CHD8: variants seen among roughly 807,000 people sequenced by gnomAD.
CHD8 encodes ATP-dependent chromatin remodeler CHD8.
Under a neutral mutation model 279.2 loss-of-function variants are expected in CHD8, and 31 were observed. That is an observed-to-expected ratio of 0.11 (90% CI 0.08 to 0.15). CHD8 has a LOEUF of 0.15. Ranked by LOEUF, CHD8 falls within the 10% of genes least tolerant of loss-of-function variation. CHD8 has a pLI of 1.00. For synonymous variants in CHD8, 1,081 were observed against 1,139.6 expected, an observed-to-expected ratio of 0.95 and a Z score of 1.04; for missense variants, 2,146 against 3,230.5, an observed-to-expected ratio of 0.66 and a Z score of 8.14.
In CHD8 at chr14:21,405,287, C is replaced by A. The variant is rs370413542; in HGVS notation, c.3229G>T (p.Gly1077Cys). 3.7e-6 allele frequency: 6 copies of A among 1,612,750 alleles called. No homozygotes were observed. The highest frequency in any genetic ancestry group is 5.1e-6 in the Non-Finnish European group (6 of 1,179,254). Residue 1077 changes from glycine (G) to cysteine (C), a missense_variant, in exon 16 of 38, where the codon GGT (glycine) becomes TGT (cysteine). By Grantham distance (159) the Gly-to-Cys change is radical. This residue lies in a region of CHD8 where 18 missense variants were observed against 17.1 expected (regional missense o/e 1.05). Coordinates refer to ENST00000646647, the MANE Select transcript of CHD8 (RefSeq NM_001170629.2). The surrounding 1 kb of genome is among the most constrained non-coding windows in gnomAD (Gnocchi z 4.2). ...KNFSFLSKGA[G>C]HTNMPNLLNT... Reference sequence around the variant, plus strand: ...AGTAGATTAGGCATGTTGGTATGACCTGCCCCTTTGGAAAGGAAGGAGAAA... The same window carrying A: ...AGTAGATTAGGCATGTTGGTATGACATGCCCCTTTGGAAAGGAAGGAGAAA...
Position 21,405,017 on chromosome 14 carries a change from A to C in CHD8, c.3307+192T>G, listed in dbSNP as rs951735275. 1.2e-5 allele frequency: 7 copies of C among 583,430 alleles called. No individual in the cohort carries two copies. The highest frequency in any genetic ancestry group is 1.1e-4 in the African/African-American group (6 of 53,490). 36.1% of individuals were successfully genotyped at this position (583,430 alleles called of 1,614,324 possible). Reference sequence around the variant, plus strand: ...TGGCTAATTTTTGTATTTTTTGTAGAGGTGGGATTTCATCATGTTGCCCAG... The same window carrying C: ...TGGCTAATTTTTGTATTTTTTGTAGCGGTGGGATTTCATCATGTTGCCCAG... On this transcript the variant is annotated intron_variant, in intron 16 of 37. Coordinates refer to ENST00000646647, the MANE Select transcript of CHD8 (RefSeq NM_001170629.2). This position sits in a 1 kb window ranked among gnomAD's most constrained non-coding sequence, Gnocchi z 4.2.
At position 21,402,523 on chromosome 14, in the gene CHD8, A is replaced by G. The variant is rs1372535971; in HGVS notation, c.3715-20T>C. 2 of 1,562,960 alleles carry G rather than the reference A, an allele frequency of 1.3e-6. No individual in the cohort carries two copies. Among genetic ancestry groups the G allele is most frequent in the East Asian group, 2.3e-5 (1 of 44,400 alleles). On this transcript the variant is annotated intron_variant, in intron 18 of 37. Coordinates refer to ENST00000646647, the MANE Select transcript of CHD8 (RefSeq NM_001170629.2). The surrounding 1 kb of genome is among the most constrained non-coding windows in gnomAD (Gnocchi z 4.5). The stretch of plus-strand genomic sequence containing the variant: ...CTGGGCCTGGTTTAAAATAAAAACG[A>G]AAGGAAAGGAGAAAGATATCATAAA...
intron 10 of CHD8, among the ~76,000 whole-genome samples, chr14:21,411,167 T>C (rs1888476185): frequency 6.6e-6 from 1 of 152,122 alleles, no homozygotes; most frequent in Non-Finnish European, 1.5e-5. Context: ...AGCATAAGAC[T>C]GTCAAGGCTG....
Position 21,395,872 on chromosome 14 carries a change from C to T in CHD8, c.5072G>A (p.Cys1691Tyr), listed in dbSNP as rs948922905. 1.2e-6 allele frequency: 2 copies of T among 1,611,232 alleles called. No individual in the cohort carries two copies. Among genetic ancestry groups the T allele is most frequent in the East Asian group, 4.5e-5 (2 of 44,820 alleles). Reference protein sequence around the residue: ...IVEGVDFDKDCEDPEYKPLQG... With the variant: ...IVEGVDFDKDYEDPEYKPLQG... ...GAGTGGTTTATATTCAGGATCTTCA[C>T]AATCTTTATCAAAGTCAACCCTAAA... is the stretch of plus-strand genomic sequence containing the variant. The change falls in exon 28 of 38, where the codon TGT becomes TAT. Residue 1691 changes from cysteine to tyrosine, a missense_variant. By Grantham distance (194) the Cys-to-Tyr change is radical. This residue lies in a region of CHD8 where 75 missense variants were observed against 81.3 expected (regional missense o/e 0.92). Coordinates refer to ENST00000646647, the MANE Select transcript of CHD8 (RefSeq NM_001170629.2).
chr14:21,387,807 A>G (rs1887331545), intron 37 of CHD8, among the ~76,000 whole-genome samples: 1 of 94,138 alleles, frequency 1.1e-5, no homozygotes, highest in African/African-American at 3.8e-5. Flanking sequence ...CTCTGTCTCA[A>G]GCAAAAAAAA....
intron 9 of CHD8, among the ~76,000 whole-genome samples, chr14:21,413,404 T>C (rs1888586992): frequency 6.6e-6 from 1 of 151,894 alleles, no homozygotes; most frequent in Non-Finnish European, 1.5e-5. Flanking sequence ...CCTTTTTTTT[T>C]TTTTTTTTGA....
rs1888652461 is a variant in CHD8 at position 21,414,988 on chromosome 14, A to C, written c.1974T>G (p.Pro658=). The C allele has an allele frequency of 2.5e-6, 4 of 1,590,030 alleles. No homozygotes were observed. Among genetic ancestry groups the C allele is most frequent in the Non-Finnish European group, 3.4e-6 (4 of 1,165,828 alleles). ...LSMRIVKKEL[P]SGQYTEAEEF... ...CTTCTGCTTCAGTATATTGTCCAGAAGGGAGCTAAGAAAAAAGAAATAAAT... is the reference window on the plus strand; with the variant it reads ...CTTCTGCTTCAGTATATTGTCCAGACGGGAGCTAAGAAAAAAGAAATAAAT... Residue 658 remains proline (P), a synonymous_variant, in exon 8 of 38, where the codon CCT becomes CCG. Transcript: ENST00000646647.
At position 21,400,858 on chromosome 14, in the gene CHD8, G is replaced by T; in HGVS notation, c.4370+17C>A. On this transcript the variant is annotated intron_variant, in intron 22 of 37. Coordinates refer to ENST00000646647, the MANE Select transcript of CHD8 (RefSeq NM_001170629.2). The surrounding 1 kb of genome is among the most constrained non-coding windows in gnomAD (Gnocchi z 4.2). Reference sequence around the variant, plus strand: ...GATGCACTATGCACTACCTCTAATGGTAAGTTGGGGTCTTACCCATATACC... The same window carrying T: ...GATGCACTATGCACTACCTCTAATGTTAAGTTGGGGTCTTACCCATATACC... The T allele has an allele frequency of 6.3e-7, 1 of 1,589,268 alleles. No individual in the cohort carries two copies.
intron 9 of CHD8, 183 bp downstream of exon 9, chr14:21,414,118 T>C: frequency 1.8e-6 from 1 of 564,164 alleles, no homozygotes; most frequent in Non-Finnish European, 3.2e-6. Context: ...AAATGAACCA[T>C]ATTTAAACCT....
intron 5 of CHD8, among the ~76,000 whole-genome samples, chr14:21,417,882 A>ATATAATAT (rs1433796563): frequency 3.6e-5 from 5 of 138,868 alleles, no homozygotes; most frequent in African/African-American, 1.3e-4. Flanking sequence ...ATATATATAT[A>ATATAATAT]ATATATATAT....
intron 21 of CHD8, 88 bp downstream of exon 21, chr14:21,401,315 T>C: frequency 2.4e-6 from 2 of 837,396 alleles, no homozygotes; most frequent in Non-Finnish European, 3.7e-6. Flanking sequence ...TAAATCACAA[T>C]TAGCATCAAA....
At position 21,447,373 on chromosome 14, in the gene CHD8, CT is replaced by C. The variant is rs773145515; in HGVS notation, c.-216+8658del. ...GAAGTGAACGGATGACACTATATCC[CT>C]TTTTTTTTTTTTTTTGAGACAGGGT... On this transcript the variant is annotated intron_variant, in intron 1 of 37. Coordinates refer to ENST00000646647, the MANE Select transcript of CHD8 (RefSeq NM_001170629.2). 8.6e-3 allele frequency among the ~76,000 whole-genome samples: 1,209 copies of C among 141,138 alleles called. 7 individuals carry two copies. The highest frequency in any genetic ancestry group is 0.02 in the East Asian group (100 of 4,904). 92.6% of individuals were successfully genotyped at this position (141,138 alleles called of 152,430 possible). A position where few individuals can be genotyped will look rare whatever the true frequency, so the allele number is the denominator to read the frequency against.
At chr14:21,426,293 G>A in intron 4 of CHD8, 51 bp from the exon 5 acceptor site, 1 of 949,218 alleles carries the variant, frequency 1.1e-6, no homozygotes, top group East Asian at 2.6e-5. Context: ...GAAAATTTAG[G>A]AGTAAAAAAA....
chr14:21,392,249 A>G, intron 34 of CHD8: 1 of 758,592 alleles, frequency 1.3e-6, no homozygotes, highest in Non-Finnish European at 2.4e-6. Context: ...AACTCATCAC[A>G]GGGGCAAAAT....
Position 21,385,712 on chromosome 14 carries a change from G to A in CHD8, c.7647C>T (p.Asp2549=). 1 of 1,551,864 alleles carries A rather than the reference G, an allele frequency of 6.4e-7. No homozygotes were observed. The highest frequency in any genetic ancestry group is 8.7e-7 in the Non-Finnish European group (1 of 1,147,014). The change falls in exon 38 of 38, where the codon GAC becomes GAT. Residue 2549 remains aspartate, a synonymous_variant. Coordinates refer to ENST00000646647, the MANE Select transcript of CHD8 (RefSeq NM_001170629.2). ...DDDEDEEDDD[D]LSQGYDSSER... Reference sequence around the variant, plus strand: ...CTGAGCTATCATAGCCCTGAGATAAGTCATCATCATCTTCTTCATCCTCAT... The same window carrying A: ...CTGAGCTATCATAGCCCTGAGATAAATCATCATCATCTTCTTCATCCTCAT...
At chr14:21,452,890 A>C (rs1890291656) in intron 1 of CHD8, among the ~76,000 whole-genome samples, 1 of 151,774 alleles carries the variant, frequency 6.6e-6, no homozygotes, top group East Asian at 1.9e-4. Flanking sequence ...AGGCTGAGGC[A>C]GAAGAATCAC....
intron 5 of CHD8, among the ~76,000 whole-genome samples, chr14:21,418,632 G>A (rs539750574): frequency 8.5e-5 from 13 of 152,122 alleles, no homozygotes; most frequent in Non-Finnish European, 1.0e-4. Flanking sequence ...TGGCTAACAC[G>A]GTGAAACCCC....
Position 21,405,575 on chromosome 14 carries a change from CTT to C in CHD8, c.3052-113_3052-112del. 1.3e-6 allele frequency: 2 copies of C among 1,484,034 alleles called. No individual in the cohort carries two copies. Among genetic ancestry groups the C allele is most frequent in the Non-Finnish European group, 1.8e-6 (2 of 1,098,062 alleles). 91.9% of individuals were successfully genotyped at this position (1,484,034 alleles called of 1,614,324 possible). ...TTTTCCACTATCTAAGAAATGTATA[CTT>C]TGGATGATGCCACAAATGATGTAGG... On this transcript the variant is annotated intron_variant, in intron 15 of 37. Coordinates refer to ENST00000646647, the MANE Select transcript of CHD8 (RefSeq NM_001170629.2). This position sits in a 1 kb window ranked among gnomAD's most constrained non-coding sequence, Gnocchi z 4.2.
At chr14:21,414,012 G>A (rs911288743) in intron 9 of CHD8, 10 of 280,946 alleles carry the variant, frequency 3.6e-5, no homozygotes, top group Non-Finnish European at 6.7e-5. Context: ...GAAAGACAAA[G>A]AATGCCTCAA....
Sources: allele counts gnomAD v4.1 joint callset (sites outside exome capture counted in the v4.1 genomes callset), GRCh38; gene constraint gnomAD v4.1.1; regional missense constraint gnomAD v4.1.1; non-coding constraint Gnocchi (gnomAD v3.1); transcripts MANE v1.5; gene names NCBI Gene and HGNC (gene_info 2026-07-23, HGNC 2026-07-21).